EPC2: variants seen among roughly 807,000 people sequenced by gnomAD.
EPC2 encodes enhancer of polycomb 2.
Under a neutral mutation model 92.1 loss-of-function variants are expected in EPC2, and 14 were observed. The observed-to-expected ratio is 0.15, with a 90% CI of 0.10 to 0.24. The LOEUF (loss-of-function observed/expected upper bound fraction) is 0.24, where lower values mean the gene tolerates loss of function less well. Ranked by LOEUF, EPC2 falls within the 10% of genes least tolerant of loss-of-function variation. The pLI is 1.00. For missense variants in EPC2, 755 were observed against 971.5 expected (o/e 0.78, Z 2.96); for synonymous variants, 340 against 334.7 (o/e 1.02, Z -0.17).
intron 1 of EPC2, among the ~76,000 whole-genome samples, chr2:148,645,719 G>C (rs1433492580): frequency 1.3e-5 from 2 of 152,198 alleles, no homozygotes; most frequent in African/African-American, 4.8e-5. Context: ...GCACTGCGGC[G>C]GGGGAGGGCG....
intron 2 of EPC2, among the ~76,000 whole-genome samples, chr2:148,734,780 A>G (rs1225281970): frequency 2.0e-5 from 3 of 151,280 alleles, no homozygotes; most frequent in Non-Finnish European, 2.9e-5. Context: ...TACAGTATGT[A>G]TATAACTTTT....
intron 2 of EPC2, among the ~76,000 whole-genome samples, chr2:148,726,156 A>C (rs1682490273): frequency 6.6e-6 from 1 of 152,122 alleles, no homozygotes; most frequent in African/African-American, 2.4e-5. Context: ...TTAATAGTCT[A>C]TTGTGTGTAT....
At chr2:148,684,702 A>G (rs1019734791) in intron 1 of EPC2, among the ~76,000 whole-genome samples, 1 of 152,192 alleles carries the variant, frequency 6.6e-6, no homozygotes, top group Admixed American at 6.5e-5. Flanking sequence ...ATACCATTTC[A>G]GTGAACCCCT....
intron 1 of EPC2, among the ~76,000 whole-genome samples, chr2:148,665,291 C>T (rs887283967): frequency 6.6e-6 from 1 of 152,162 alleles, no homozygotes; most frequent in Non-Finnish European, 1.5e-5. Flanking sequence ...CTTTGTAAAT[C>T]AGTAAGTAAA....
intron 2 of EPC2, among the ~76,000 whole-genome samples, chr2:148,725,705 T>G (rs1682481001): frequency 6.6e-6 from 1 of 152,160 alleles, no homozygotes; most frequent in Admixed American, 6.5e-5. Context: ...ACTGACATTT[T>G]TAGATTACAA....
chr2:148,715,572 C>T (rs1481632731), intron 2 of EPC2, among the ~76,000 whole-genome samples: 1 of 151,982 alleles, frequency 6.6e-6, no homozygotes. Context: ...TATTCTGTTC[C>T]ATTCGTCTGT....
intron 2 of EPC2, among the ~76,000 whole-genome samples, chr2:148,730,222 C>A (rs1445615054): frequency 2.0e-5 from 3 of 152,064 alleles, no homozygotes; most frequent in African/African-American, 7.2e-5. Context: ...CATTCAGGGT[C>A]TTTTAGTACA....
At chr2:148,710,580 C>T (rs1288075829) in intron 2 of EPC2, among the ~76,000 whole-genome samples, 1 of 151,974 alleles carries the variant, frequency 6.6e-6, no homozygotes, top group Non-Finnish European at 1.5e-5. Context: ...TTCACAGTAG[C>T]AGACTTGGAA....
intron 2 of EPC2, among the ~76,000 whole-genome samples, chr2:148,735,795 A>G (rs1682740576): frequency 6.6e-6 from 1 of 151,888 alleles, no homozygotes; most frequent in South Asian, 2.1e-4. Flanking sequence ...AATATCATCA[A>G]ATATTTAATC....
chr2:148,710,803 A>T (rs1401873441), intron 2 of EPC2, among the ~76,000 whole-genome samples: 2 of 152,100 alleles, frequency 1.3e-5, no homozygotes, highest in African/African-American at 4.8e-5. Flanking sequence ...CAATGGGAAC[A>T]CTTGGACACA....
At chr2:148,658,595 G>GTA (rs1680855422) in intron 1 of EPC2, among the ~76,000 whole-genome samples, 2 of 23,800 alleles carry the variant, frequency 8.4e-5, no homozygotes, top group Non-Finnish European at 4.1e-4. Context: ...AAGATTAGCT[G>GTA]TGTGTGTGTG....
intron 1 of EPC2, among the ~76,000 whole-genome samples, chr2:148,651,166 A>G (rs1351067253): frequency 6.6e-6 from 1 of 152,182 alleles, no homozygotes; most frequent in African/African-American, 2.4e-5. Context: ...GTTTGGTTGT[A>G]TGGTGTATGT....
chr2:148,652,685 A>G (rs1188739869), intron 1 of EPC2, among the ~76,000 whole-genome samples: 2 of 152,244 alleles, frequency 1.3e-5, no homozygotes, highest in Admixed American at 1.3e-4. Context: ...AACAAATGTG[A>G]CATTAAATAT....
At chr2:148,738,695 T>C (rs1682816435) in intron 2 of EPC2, among the ~76,000 whole-genome samples, 1 of 152,200 alleles carries the variant, frequency 6.6e-6, no homozygotes, top group Non-Finnish European at 1.5e-5. Flanking sequence ...AGAGTAAGTG[T>C]AGCCATTTAT....
intron 2 of EPC2, among the ~76,000 whole-genome samples, chr2:148,690,942 T>G (rs899867934): frequency 2.6e-5 from 4 of 152,200 alleles, no homozygotes; most frequent in South Asian, 2.1e-4. Context: ...GGATTACAGG[T>G]GTGAGCTACC....
At chr2:148,675,152 TG>T (rs1378483554) in intron 1 of EPC2, among the ~76,000 whole-genome samples, 1 of 152,204 alleles carries the variant, frequency 6.6e-6, no homozygotes, top group Non-Finnish European at 1.5e-5. Context: ...AAAGGTTTTT[TG>T]GGACATAATT....
At chr2:148,751,501 T>C (rs1036966943) in intron 3 of EPC2, among the ~76,000 whole-genome samples, 18 of 152,228 alleles carry the variant, frequency 1.2e-4, no homozygotes, top group African/African-American at 4.1e-4. Flanking sequence ...AATTACGTGC[T>C]AAATGATGGA....
At chr2:148,750,072 T>G (rs1451595046) in intron 3 of EPC2, among the ~76,000 whole-genome samples, 1 of 152,130 alleles carries the variant, frequency 6.6e-6, no homozygotes, top group Non-Finnish European at 1.5e-5. Context: ...TTTGAAGACC[T>G]TAGAAGATTA....
In EPC2 at chr2:148,691,999, A is replaced by G. The variant is rs191000289; in HGVS notation, c.313+1626A>G. The G allele has an allele frequency of 5.7e-4, 201 of 355,440 alleles. 1 individual carries two copies. Among genetic ancestry groups the G allele is most frequent in the African/African-American group, 4.0e-3 (186 of 47,000 alleles). 22.0% of individuals were successfully genotyped at this position (355,440 alleles called of 1,614,324 possible). On this transcript the variant is annotated intron_variant, in intron 2 of 13. Transcript: ENST00000258484. ...GGCAGTTTAGATTTGATAGAATTCA[A>G]TAATAGTCATATTCTCTAGTATGAA...
Sources: gnomAD v4.1 joint callset for allele counts (sites outside exome capture counted in the v4.1 genomes callset) on GRCh38, gnomAD v4.1.1 for gene constraint, MANE v1.5 for transcripts, NCBI Gene and HGNC (gene_info 2026-07-23, HGNC 2026-07-21) for gene names.